TOX3: variants seen among roughly 807,000 people sequenced by gnomAD.
The protein encoded by TOX3 is CAG trinucleotide repeat-containing gene F9 protein.
In TOX3, 22 loss-of-function variants were observed where a neutral mutation model predicts 64.3. The observed-to-expected ratio is 0.34, with a 90% CI of 0.24 to 0.49. TOX3 has a LOEUF of 0.49. Among genes scored for constraint, TOX3 ranks in the 20% least tolerant of loss-of-function variants. The pLI is 0.99. For missense variants in TOX3, 661 were observed against 714.4 expected (o/e 0.93, Z 0.85); for synonymous variants, 291 against 273.6 (o/e 1.06, Z -0.63).
At chr16:52,491,895 A>T (rs913142464) in intron 1 of TOX3, among the ~76,000 whole-genome samples, 14 of 152,040 alleles carry the variant, frequency 9.2e-5, no homozygotes, top group African/African-American at 3.1e-4. Context: ...AATTTTTCTG[A>T]TGGTTTCTTG....
chr16:52,439,430 T>A lies in TOX3; in HGVS notation c.1526A>T (p.Gln509Leu). 3.3e-6 allele frequency: 5 copies of A among 1,518,876 alleles called. No homozygotes were observed. The highest frequency in any genetic ancestry group is 1.4e-5 in the African/African-American group (1 of 72,574). 94.1% of individuals were successfully genotyped at this position (1,518,876 alleles called of 1,614,324 possible). Residue 509 changes from glutamine to leucine, a missense_variant, in exon 7 of 7, where the codon CAG (glutamine) becomes CTG (leucine). By Grantham distance (113) the Gln-to-Leu change is moderately radical (BLOSUM62 -2). This residue lies in a region of TOX3 where 299 missense variants were observed against 292.1 expected (regional missense o/e 1.02). Coordinates refer to ENST00000219746, the MANE Select transcript of TOX3 (RefSeq NM_001080430.4). ...QQINQQQLQQ[Q>L]LQQRLQLQQL... The stretch of plus-strand genomic sequence containing the variant: ...CTGCAGCTGGAGGCGCTGCTGCAGC[T>A]GCTGCTGCAGCTGCTGTTGATTAAT...
intron 1 of TOX3, among the ~76,000 whole-genome samples, chr16:52,542,553 C>A (rs1963096515): frequency 6.6e-6 from 1 of 152,136 alleles, no homozygotes; most frequent in African/African-American, 2.4e-5. Context: ...CATGGCAACA[C>A]TCTACTAATG....
chr16:52,541,668 T>G (rs1963080300), intron 1 of TOX3, among the ~76,000 whole-genome samples: 1 of 152,244 alleles, frequency 6.6e-6, no homozygotes, highest in Non-Finnish European at 1.5e-5. Context: ...CCTTGAAATA[T>G]CGACACATAC....
chr16:52,525,789 T>C (rs1962716024), intron 1 of TOX3, among the ~76,000 whole-genome samples: 1 of 152,186 alleles, frequency 6.6e-6, no homozygotes, highest in Non-Finnish European at 1.5e-5. Context: ...TAATGCACTT[T>C]AATGGAAACC....
At chr16:52,525,694 T>TAC (rs147512558) in intron 1 of TOX3, among the ~76,000 whole-genome samples, 16 of 151,606 alleles carry the variant, frequency 1.1e-4, no homozygotes, top group East Asian at 5.8e-4. Context: ...CATGCCTGCG[T>TAC]ACACACACAC....
intron 1 of TOX3, among the ~76,000 whole-genome samples, chr16:52,531,209 C>T (rs1340035372): frequency 2.6e-5 from 4 of 151,984 alleles, no homozygotes; most frequent in African/African-American, 9.7e-5. Context: ...GGTTTTGAGT[C>T]ACATGGACAA....
At chr16:52,448,021 C>A (rs1268780124) in intron 4 of TOX3, among the ~76,000 whole-genome samples, 1 of 152,092 alleles carries the variant, frequency 6.6e-6, no homozygotes, top group Non-Finnish European at 1.5e-5. Flanking sequence ...TGTCGACCAC[C>A]TTTGACGCCT....
At chr16:52,539,967 T>G (rs1963039080) in intron 1 of TOX3, among the ~76,000 whole-genome samples, 1 of 152,106 alleles carries the variant, frequency 6.6e-6, no homozygotes, top group Non-Finnish European at 1.5e-5. Context: ...TTACCTCAAC[T>G]GGGTGATGGC....
At chr16:52,526,489 G>A (rs1201509987) in intron 1 of TOX3, among the ~76,000 whole-genome samples, 2 of 149,294 alleles carry the variant, frequency 1.3e-5, no homozygotes, top group Non-Finnish European at 3.0e-5. Context: ...AATCTTTTTT[G>A]TGAAGAAGAG....
At chr16:52,440,802 C>T (rs1471750349) in intron 6 of TOX3, among the ~76,000 whole-genome samples, 1 of 135,234 alleles carries the variant, frequency 7.4e-6, no homozygotes, top group Non-Finnish European at 1.5e-5. Context: ...TCTCTGTCAC[C>T]CAGGCTGGAG....
chr16:52,466,529 A>T (rs189240219), intron 2 of TOX3, among the ~76,000 whole-genome samples: 2 of 152,334 alleles, frequency 1.3e-5, no homozygotes, highest in Non-Finnish European at 2.9e-5. Context: ...TGTAGCATTA[A>T]CATTTACTTG....
At chr16:52,462,284 C>T (rs571765751) in intron 3 of TOX3, among the ~76,000 whole-genome samples, 37 of 152,214 alleles carry the variant, frequency 2.4e-4, no homozygotes, top group African/African-American at 5.8e-4. Flanking sequence ...TCTTTCCCAA[C>T]GCCAGTCCGT....
At chr16:52,467,983 C>A (rs915861207) in intron 2 of TOX3, among the ~76,000 whole-genome samples, 5 of 152,192 alleles carry the variant, frequency 3.3e-5, no homozygotes, top group Admixed American at 6.5e-5. Flanking sequence ...CTGCCAGGCA[C>A]TGTACTGGGC....
At chr16:52,442,896 T>G (rs143996146) in intron 6 of TOX3, among the ~76,000 whole-genome samples, 4 of 152,328 alleles carry the variant, frequency 2.6e-5, no homozygotes, top group Non-Finnish European at 5.9e-5. Context: ...CCTGGAAGTA[T>G]TTCTGAATCC....
At chr16:52,516,686 CTT>C (rs948677683) in intron 1 of TOX3, among the ~76,000 whole-genome samples, 1 of 152,074 alleles carries the variant, frequency 6.6e-6, no homozygotes, top group Non-Finnish European at 1.5e-5. Flanking sequence ...ATTGGTTTAA[CTT>C]AGTTGATATA....
rs1262637456 is a variant in TOX3 at position 52,444,257 on chromosome 16, C to T, written c.987+19G>A. On this transcript the variant is annotated intron_variant, in intron 6 of 6. Coordinates refer to ENST00000219746, the MANE Select transcript of TOX3 (RefSeq NM_001080430.4). ...CGCTGTGACTATTTTGGAGCCTGGCCGCCCCTGCCCAGGTTTACCTTAGAA... is the reference window on the plus strand; with the variant it reads ...CGCTGTGACTATTTTGGAGCCTGGCTGCCCCTGCCCAGGTTTACCTTAGAA... 25 of 1,531,812 alleles carry T rather than the reference C, an allele frequency of 1.6e-5. No homozygotes were observed. The highest frequency in any genetic ancestry group is 7.4e-5 in the South Asian group (6 of 80,790). 94.9% of individuals were successfully genotyped at this position (1,531,812 alleles called of 1,614,324 possible).
At chr16:52,454,988 TCTTA>T (rs905383523) in intron 3 of TOX3, among the ~76,000 whole-genome samples, 1 of 152,164 alleles carries the variant, frequency 6.6e-6, no homozygotes, top group African/African-American at 2.4e-5. Context: ...TAATATTACT[TCTTA>T]CTTACAAAAA....
chr16:52,506,266 T>C (rs2151468084), intron 1 of TOX3, among the ~76,000 whole-genome samples: 1 of 152,308 alleles, frequency 6.6e-6, no homozygotes, highest in East Asian at 1.9e-4. Context: ...TCATACTCTT[T>C]ATACACATGT....
chr16:52,519,936 A>C (rs1267661442), intron 1 of TOX3, among the ~76,000 whole-genome samples: 1 of 150,802 alleles, frequency 6.6e-6, no homozygotes, highest in East Asian at 2.0e-4. Flanking sequence ...ACACCACTGC[A>C]CTCCAGCCTG....
Sources: allele counts gnomAD v4.1 joint callset (sites outside exome capture counted in the v4.1 genomes callset), GRCh38; gene constraint gnomAD v4.1.1; regional missense constraint gnomAD v4.1.1; transcripts MANE v1.5; gene names NCBI Gene and HGNC (gene_info 2026-07-23, HGNC 2026-07-21).